PAPPA2: variants seen among roughly 807,000 people sequenced by gnomAD.
PAPPA2 encodes pappalysin 2, also known as pappalysin-2.
Under a neutral mutation model 176.4 loss-of-function variants are expected in PAPPA2, and 86 were observed. The observed-to-expected ratio is 0.49, with a 90% CI of 0.41 to 0.58. The LOEUF (loss-of-function observed/expected upper bound fraction) is 0.58, where lower values mean the gene tolerates loss of function less well. Ranked by LOEUF, PAPPA2 falls within the 20% of genes least tolerant of loss-of-function variation. PAPPA2 has a pLI of 0.00. For synonymous variants in PAPPA2, 809 were observed against 852.2 expected (o/e 0.95, Z 0.88); for missense variants, 2,073 against 2,256.9 (o/e 0.92, Z 1.65).
intron 7 of PAPPA2, among the ~76,000 whole-genome samples, chr1:176,697,231 C>A (rs1486737654): frequency 1.3e-5 from 2 of 152,222 alleles, no homozygotes; most frequent in East Asian, 3.9e-4. Context: ...TTAGGGCTTC[C>A]ATTTCATGCT....
At chr1:176,802,897 T>C (rs1043272442) in intron 21 of PAPPA2, among the ~76,000 whole-genome samples, 1 of 152,222 alleles carries the variant, frequency 6.6e-6, no homozygotes, top group African/African-American at 2.4e-5. Context: ...AGACTTTCTT[T>C]AAAAACTCTT....
At chr1:176,734,415 C>T (rs1252793569) in intron 12 of PAPPA2, among the ~76,000 whole-genome samples, 1 of 152,038 alleles carries the variant, frequency 6.6e-6, no homozygotes, top group Admixed American at 6.6e-5. Context: ...CACACACACA[C>T]ACACACACAA....
chr1:176,595,656 T>C, intron 3 of PAPPA2, 61 bp downstream of exon 3: 1 of 1,494,500 alleles, frequency 6.7e-7, no homozygotes, highest in Non-Finnish European at 9.0e-7. Flanking sequence ...TCATTTTATC[T>C]GTTTGGTTTT....
chr1:176,755,009 T>C (rs61821261), intron 14 of PAPPA2, among the ~76,000 whole-genome samples: 15,039 of 152,152 alleles, frequency 0.099, 747 homozygotes, highest in South Asian at 0.18. Flanking sequence ...TTTAGCACAG[T>C]CTCTTCCCTT....
chr1:176,791,793 A>T (rs1368145434), intron 19 of PAPPA2, among the ~76,000 whole-genome samples: 2 of 152,148 alleles, frequency 1.3e-5, no homozygotes, highest in Admixed American at 6.5e-5. Flanking sequence ...ACCTCAGGTG[A>T]TCTGCCCACC....
chr1:176,632,731 T>C (rs1007577145), intron 3 of PAPPA2, among the ~76,000 whole-genome samples: 1 of 152,188 alleles, frequency 6.6e-6, no homozygotes, highest in Non-Finnish European at 1.5e-5. Context: ...TATCTTTTAG[T>C]GTATTCTTTC....
At chr1:176,479,164 C>G (rs534133263) in intron 1 of PAPPA2, among the ~76,000 whole-genome samples, 4 of 149,602 alleles carry the variant, frequency 2.7e-5, no homozygotes, top group Non-Finnish European at 6.0e-5. Context: ...GATGAGGAAA[C>G]TAAGGCACTG....
intron 21 of PAPPA2, among the ~76,000 whole-genome samples, chr1:176,804,630 T>C (rs559552544): frequency 6.6e-6 from 1 of 152,228 alleles, no homozygotes. Context: ...CATACTCTGG[T>C]CTCTATTTTA....
chr1:176,559,707 C>T lies in PAPPA2; in HGVS notation c.919+2466C>T, dbSNP rs191256940. 1.8e-3 allele frequency among the ~76,000 whole-genome samples: 272 copies of T among 152,298 alleles called. 3 individuals carry two copies. Among genetic ancestry groups the T allele is most frequent in the African/African-American group, 6.3e-3 (261 of 41,560 alleles). ...GCTGGCCTTCACCTATGCAGAATGA[C>T]AATAGAATCATGTCCCTGGGAGCCA... On this transcript the variant is annotated intron_variant, in intron 2 of 22. Coordinates refer to ENST00000367662, the MANE Select transcript of PAPPA2 (RefSeq NM_020318.3).
chr1:176,582,048 C>T lies in PAPPA2; in HGVS notation c.920-12476C>T, dbSNP rs574205739. 2.0e-4 allele frequency among the ~76,000 whole-genome samples: 30 copies of T among 151,196 alleles called. 1 individual carries two copies. In the South Asian group the frequency reaches 5.9e-3, roughly 29 times the overall value. On this transcript the variant is annotated intron_variant, in intron 2 of 22. Transcript: ENST00000367662. ...ACGCCATTCTCCTACCTCAGCCTCC[C>T]GAGTAGCTGGGACTACAGGTGCCCG... is the stretch of plus-strand genomic sequence containing the variant.
intron 3 of PAPPA2, among the ~76,000 whole-genome samples, chr1:176,623,589 TCC>T (rs1655728639): frequency 1.4e-5 from 2 of 139,536 alleles, no homozygotes; most frequent in African/African-American, 2.7e-5. Context: ...CTTCCTTCCT[TCC>T]TTCCTTCCTT....
rs139353624 is a variant in PAPPA2, at chr1:176,826,534, C to G, written c.5203-13639C>G. ...ACCAACCAGTTGGGGGAGAAAGGAA[C>G]AGCTGGTCCAACAAATCAGGATGTG... On this transcript the variant is annotated intron_variant, in intron 21 of 22. Coordinates refer to ENST00000367662, the MANE Select transcript of PAPPA2 (RefSeq NM_020318.3). 6.2e-3 allele frequency among the ~76,000 whole-genome samples: 950 copies of G among 152,274 alleles called. 13 individuals carry two copies. Among genetic ancestry groups the G allele is most frequent in the African/African-American group, 0.021 (885 of 41,556 alleles).
At chr1:176,600,582 A>G (rs1341422861) in intron 3 of PAPPA2, among the ~76,000 whole-genome samples, 2 of 149,400 alleles carry the variant, frequency 1.3e-5, no homozygotes, top group Admixed American at 6.7e-5. Flanking sequence ...AGGCTGAGGC[A>G]GGAGAATGGC....
intron 21 of PAPPA2, among the ~76,000 whole-genome samples, chr1:176,828,361 G>A (rs568656816): frequency 1.3e-5 from 2 of 152,098 alleles, no homozygotes; most frequent in South Asian, 2.1e-4. Context: ...CTATATAATG[G>A]TTTGTAGTTT....
Position 176,692,303 on chromosome 1 carries a change from G to A in PAPPA2, c.2609G>A (p.Gly870Glu). The A allele has an allele frequency of 6.2e-7, 1 of 1,613,150 alleles. No individual in the cohort carries two copies. The highest frequency in any genetic ancestry group is 8.5e-7 in the Non-Finnish European group (1 of 1,179,332). Reference protein sequence around the residue: ...LTIHWLPPISGVVYDRASGSL... With the variant: ...LTIHWLPPISEVVYDRASGSL... ...ATCCACTGGCTGCCTCCTATTAGTG[G>A]AGTTGTATATGACAGGTGAGAGAGG... Residue 870 changes from glycine (G) to glutamate (E), a missense_variant, in exon 6 of 23, where the codon GGA (glycine) becomes GAA (glutamate). Gly to Glu is a moderately conservative substitution (Grantham distance 98). Transcript: ENST00000367662.
intron 3 of PAPPA2, among the ~76,000 whole-genome samples, chr1:176,623,568 TTCCTTCCC>T (rs201806829): frequency 0.061 from 5,737 of 93,544 alleles, 324 homozygotes; most frequent in Middle Eastern, 0.1. Flanking sequence ...CCTTCCTTCC[TTCCTTCCC>T]TCCTTCCTTC....
chr1:176,703,051 C>T (rs1173801592), intron 9 of PAPPA2, among the ~76,000 whole-genome samples: 1 of 152,062 alleles, frequency 6.6e-6, no homozygotes, highest in Admixed American at 6.6e-5. Flanking sequence ...TTTATGGCCT[C>T]AGCAAGCAAC....
chr1:176,824,332 T>C (rs1257703001), intron 21 of PAPPA2, among the ~76,000 whole-genome samples: 2 of 152,220 alleles, frequency 1.3e-5, no homozygotes, highest in Non-Finnish European at 2.9e-5. Flanking sequence ...GTTGAATTTT[T>C]CTGTGTTTAT....
chr1:176,512,937 A>C (rs1397528005), intron 1 of PAPPA2, among the ~76,000 whole-genome samples: 4 of 152,186 alleles, frequency 2.6e-5, no homozygotes, highest in African/African-American at 9.6e-5. Context: ...GGTATTTTGC[A>C]GGAAGCTGAT....
Sources: allele counts gnomAD v4.1 joint callset (sites outside exome capture counted in the v4.1 genomes callset), GRCh38; gene constraint gnomAD v4.1.1; transcripts MANE v1.5; gene names NCBI Gene and HGNC (gene_info 2026-07-23, HGNC 2026-07-21).